NRXN1: variants seen among roughly 807,000 people sequenced by gnomAD.
NRXN1 encodes neurexin-1.
In NRXN1, 39 loss-of-function variants were observed where a neutral mutation model predicts 150.9. The ratio of observed to expected loss-of-function variants is 0.26; its 90% confidence interval spans 0.20 to 0.34. The LOEUF is 0.34. Among genes scored for constraint, NRXN1 ranks in the 10% least tolerant of loss-of-function variants. The pLI is 1.00. For synonymous variants in NRXN1, 924 were observed against 757.0 expected (o/e 1.22, Z -3.62); for missense variants, 1,815 against 1,949.9 (o/e 0.93, Z 1.30).
intron 5 of NRXN1, among the ~76,000 whole-genome samples, chr2:50,888,130 C>A (rs1680535945): frequency 6.6e-6 from 1 of 151,392 alleles, no homozygotes; most frequent in African/African-American, 2.4e-5. Context: ...AAATGACAGA[C>A]AATTCTTAAA....
intron 19 of NRXN1, among the ~76,000 whole-genome samples, chr2:50,086,111 T>C (rs1698743218): frequency 6.6e-6 from 1 of 152,188 alleles, no homozygotes; most frequent in Non-Finnish European, 1.5e-5. Context: ...CCTTCAAATG[T>C]AATGATCATG....
chr2:50,511,554 A>C (rs941485617), intron 12 of NRXN1, among the ~76,000 whole-genome samples: 1 of 152,158 alleles, frequency 6.6e-6, no homozygotes, highest in Non-Finnish European at 1.5e-5. Context: ...CCCTGTAGCT[A>C]AAACCTATTG....
intron 8 of NRXN1, among the ~76,000 whole-genome samples, chr2:50,563,838 A>T (rs1669473043): frequency 1.3e-5 from 2 of 152,160 alleles, no homozygotes; most frequent in Non-Finnish European, 2.9e-5. Context: ...GGATTATCCA[A>T]ACTGCATGAA....
At chr2:50,444,154 T>C (rs570301627) in intron 17 of NRXN1, among the ~76,000 whole-genome samples, 1 of 152,324 alleles carries the variant, frequency 6.6e-6, no homozygotes, top group South Asian at 2.1e-4. Flanking sequence ...GATTCTTTCA[T>C]TCTTCTCTGA....
chr2:50,722,077 G>A (rs1326228272), intron 5 of NRXN1, among the ~76,000 whole-genome samples: 1 of 151,966 alleles, frequency 6.6e-6, no homozygotes, highest in Non-Finnish European at 1.5e-5. Context: ...CATAATATAA[G>A]GGATATACGT....
chr2:50,126,641 G>C (rs934612611), intron 18 of NRXN1, among the ~76,000 whole-genome samples: 1 of 151,940 alleles, frequency 6.6e-6, no homozygotes, highest in Admixed American at 6.6e-5. Context: ...AATAAATAGA[G>C]AACAGTTTTC....
chr2:51,017,458 C>T (rs1668866308), intron 2 of NRXN1, among the ~76,000 whole-genome samples: 1 of 145,670 alleles, frequency 6.9e-6, no homozygotes, highest in African/African-American at 2.5e-5. Flanking sequence ...ACCTCAGCCT[C>T]CTGACTAGCT....
At chr2:50,006,700 T>G (rs779851609) in intron 21 of NRXN1, among the ~76,000 whole-genome samples, 4 of 152,182 alleles carry the variant, frequency 2.6e-5, no homozygotes, top group Non-Finnish European at 5.9e-5. Flanking sequence ...AATTTTAGAT[T>G]TTTTTGCTCC....
At chr2:50,290,977 G>A (rs573779316) in intron 17 of NRXN1, among the ~76,000 whole-genome samples, 24 of 152,114 alleles carry the variant, frequency 1.6e-4, no homozygotes, top group African/African-American at 3.9e-4. Flanking sequence ...GCAATTACCC[G>A]TCAAATGTGG....
intron 13 of NRXN1, among the ~76,000 whole-genome samples, chr2:50,503,307 C>CAAAA (rs2092048582): frequency 8.5e-6 from 1 of 118,202 alleles, no homozygotes; most frequent in Non-Finnish European, 1.7e-5. Flanking sequence ...GACTCCATCT[C>CAAAA]AAAAAAACAA....
intron 8 of NRXN1, among the ~76,000 whole-genome samples, chr2:50,560,179 G>A (rs894335136): frequency 6.6e-6 from 1 of 152,132 alleles, no homozygotes; most frequent in Non-Finnish European, 1.5e-5. Context: ...GTCTAGCATA[G>A]GACATGATTC....
Position 50,370,405 on chromosome 2 carries a change from T to G in NRXN1, c.3364+95037A>C, listed in dbSNP as rs1184420495. ...ACTAAGCAACACCGATGCTCACAAA[T>G]GTTTGCTAGCCTAAGGCCTACCACA... On this transcript the variant is annotated intron_variant, in intron 17 of 22. Transcript: ENST00000401669. Among the ~76,000 whole-genome samples, 3 of 152,146 alleles carry G rather than the reference T, an allele frequency of 2.0e-5. No homozygotes were observed. In the East Asian group the frequency reaches 5.8e-4, roughly 29 times the overall value.
At chr2:50,541,422 G>A (rs565169550) in intron 9 of NRXN1, among the ~76,000 whole-genome samples, 5 of 152,212 alleles carry the variant, frequency 3.3e-5, no homozygotes, top group South Asian at 4.2e-4. Flanking sequence ...GGGGCAAAAC[G>A]GCTGCCAGGT....
At chr2:50,789,193 T>C (rs992524930) in intron 5 of NRXN1, among the ~76,000 whole-genome samples, 1 of 152,200 alleles carries the variant, frequency 6.6e-6, no homozygotes. Context: ...CATCTTTATA[T>C]ACCTACTGCT....
chr2:50,199,132 GA>G, intron 18 of NRXN1: 1 of 152,198 alleles, frequency 6.6e-6, no homozygotes, highest in African/African-American at 2.4e-5. Flanking sequence ...AATTTTCGCA[GA>G]AATATTTTGA....
At chr2:49,956,456 C>T in intron 21 of NRXN1, among the ~76,000 whole-genome samples, 1 of 152,174 alleles carries the variant, frequency 6.6e-6, no homozygotes, top group East Asian at 1.9e-4. Flanking sequence ...ATTTTTACAA[C>T]TAATAAATGG....
chr2:50,153,818 G>A (rs1287213914), intron 18 of NRXN1, among the ~76,000 whole-genome samples: 1 of 151,708 alleles, frequency 6.6e-6, no homozygotes. Context: ...GTGAAATGAT[G>A]AGTCCCCACC....
At chr2:50,211,945 G>T (rs2063046866) in intron 18 of NRXN1, among the ~76,000 whole-genome samples, 1 of 151,490 alleles carries the variant, frequency 6.6e-6, no homozygotes, top group African/African-American at 2.4e-5. Context: ...CACAAATCTT[G>T]CATTTCCTTT....
chr2:50,701,217 A>C (rs1409632266), intron 5 of NRXN1, among the ~76,000 whole-genome samples: 1 of 152,136 alleles, frequency 6.6e-6, no homozygotes, highest in African/African-American at 2.4e-5. Flanking sequence ...ATACAGAGAA[A>C]AGTTTCAATC....
Sources: allele counts gnomAD v4.1 joint callset (sites outside exome capture counted in the v4.1 genomes callset), GRCh38; gene constraint gnomAD v4.1.1; transcripts MANE v1.5; gene names NCBI Gene and HGNC (gene_info 2026-07-23, HGNC 2026-07-21).